Variants in PCDHA6 observed in about 807,000 individuals in gnomAD.
The protein encoded by PCDHA6 is protocadherin alpha 6.
A neutral mutation model predicts 60.3 loss-of-function variants in PCDHA6; 55 were observed. The observed-to-expected ratio is 0.91, with a 90% CI of 0.73 to 1.14. The LOEUF is 1.14. Ranked by LOEUF, PCDHA6 falls within the 50% of genes most tolerant of loss-of-function variation. The pLI is 0.00. For synonymous variants in PCDHA6, 652 were observed against 557.9 expected (o/e 1.17, Z -2.38); for missense variants, 1,327 against 1,256.5 (o/e 1.06, Z -0.85).
At chr5:140,996,123 G>A (rs1554255007) in intron 3 of PCDHA6, among the ~76,000 whole-genome samples, 2 of 152,238 alleles carry the variant, frequency 1.3e-5, no homozygotes, top group African/African-American at 2.4e-5. Flanking sequence ...GCAGGGTGGT[G>A]TAGAGGGTTC....
intron 1 of PCDHA6, among the ~76,000 whole-genome samples, chr5:140,964,119 TAAC>T (rs146855097): frequency 0.014 from 2,059 of 152,320 alleles, 49 homozygotes; most frequent in African/African-American, 0.047. Context: ...AATCACATTC[TAAC>T]AACTAGTAAG....
intron 1 of PCDHA6, among the ~76,000 whole-genome samples, chr5:140,892,021 G>A (rs2063355611): frequency 6.6e-6 from 1 of 152,160 alleles, no homozygotes; most frequent in Admixed American, 6.5e-5. Context: ...AGCACAAATG[G>A]TCTAAGATAC....
intron 1 of PCDHA6, chr5:140,851,686 TGA>T: frequency 1.1e-6 from 1 of 926,568 alleles, no homozygotes; most frequent in Non-Finnish European, 1.3e-6. Context: ...CTCCATTCAG[TGA>T]TAAAATGATC....
intron 1 of PCDHA6, among the ~76,000 whole-genome samples, chr5:140,894,188 A>AT (rs1157134749): frequency 1.1e-4 from 17 of 152,072 alleles, no homozygotes; most frequent in African/African-American, 4.1e-4. Flanking sequence ...ATAGTTATAT[A>AT]TTTTTTCTAT....
At chr5:141,003,423 T>G (rs1278383006) in intron 3 of PCDHA6, among the ~76,000 whole-genome samples, 1 of 152,164 alleles carries the variant, frequency 6.6e-6, no homozygotes, top group Non-Finnish European at 1.5e-5. Context: ...GTGATTCTTA[T>G]GCCTCAGCCT....
chr5:140,952,113 G>T (rs2094688731), intron 1 of PCDHA6, among the ~76,000 whole-genome samples: 1 of 151,990 alleles, frequency 6.6e-6, no homozygotes. Flanking sequence ...TCGTGTGAGG[G>T]ATGGGCTCCC....
In PCDHA6 at chr5:140,835,890, G is replaced by T. The variant is rs147416989; in HGVS notation, c.2394+5405G>T. Reference sequence around the variant, plus strand: ...GGTGGAGCTGCGGGTGGGCGAGCGCGCGCTGTCGAGCTACGTGTCAGTGCA... The same window carrying T: ...GGTGGAGCTGCGGGTGGGCGAGCGCTCGCTGTCGAGCTACGTGTCAGTGCA... On this transcript the variant is annotated intron_variant, in intron 1 of 3. Coordinates refer to ENST00000529310, the MANE Select transcript of PCDHA6 (RefSeq NM_018909.4). 490 of 1,611,966 alleles carry T rather than the reference G, an allele frequency of 3.0e-4. 3 individuals carry two copies. In the African/African-American group the frequency reaches 5.1e-3, roughly 17 times the overall value.
chr5:140,843,800 C>T (rs2150366866), intron 1 of PCDHA6: 5 of 1,342,480 alleles, frequency 3.7e-6, no homozygotes, highest in East Asian at 2.3e-5. Context: ...TAGTTTTTCA[C>T]CGTATTTTAT....
chr5:140,845,510 C>A (rs1779902484), intron 1 of PCDHA6, among the ~76,000 whole-genome samples: 3 of 149,534 alleles, frequency 2.0e-5, no homozygotes, highest in African/African-American at 7.3e-5. Context: ...AAACCTATTT[C>A]TTGTACATTA....
Position 140,887,082 on chromosome 5 carries a change from CT to C in PCDHA6, c.2394+56598del, listed in dbSNP as rs781992332. On this transcript the variant is annotated intron_variant, in intron 1 of 3. Coordinates refer to ENST00000529310, the MANE Select transcript of PCDHA6 (RefSeq NM_018909.4). Reference sequence around the variant, plus strand: ...GGCAACAAATTCACTCAGCTTTTGTCTGAGAAATATCTTTATCTCTTTTTTT... The same window carrying C: ...GGCAACAAATTCACTCAGCTTTTGTCGAGAAATATCTTTATCTCTTTTTTT... 2.0e-5 allele frequency among the ~76,000 whole-genome samples: 3 copies of C among 151,694 alleles called. No individual in the cohort carries two copies. The East Asian group carries it at 5.8e-4, about 29-fold the overall frequency.
At chr5:140,943,409 T>C (rs1460668622) in intron 1 of PCDHA6, among the ~76,000 whole-genome samples, 1 of 152,078 alleles carries the variant, frequency 6.6e-6, no homozygotes, top group Non-Finnish European at 1.5e-5. Flanking sequence ...AAATTCAGAC[T>C]AGAGGCAAGG....
chr5:140,884,450 AC>A, intron 1 of PCDHA6: 1 of 1,613,762 alleles, frequency 6.2e-7, no homozygotes, highest in Non-Finnish European at 8.5e-7. Context: ...GGCACCGCCC[AC>A]CGAGGGCGCG....
intron 1 of PCDHA6, chr5:140,884,540 G>A (rs782638313): frequency 1.9e-6 from 3 of 1,613,998 alleles, no homozygotes; most frequent in South Asian, 2.2e-5. Flanking sequence ...GCGGCCGAGG[G>A]TGTGCTCTGG....
At chr5:140,941,852 T>G (rs1254913265) in intron 1 of PCDHA6, among the ~76,000 whole-genome samples, 2 of 152,236 alleles carry the variant, frequency 1.3e-5, no homozygotes, top group Non-Finnish European at 2.9e-5. Context: ...TTACCTGATA[T>G]TCCCTATCAT....
At chr5:140,873,141 C>A (rs1275722582) in intron 1 of PCDHA6, among the ~76,000 whole-genome samples, 3 of 152,064 alleles carry the variant, frequency 2.0e-5, no homozygotes, top group African/African-American at 7.2e-5. Flanking sequence ...TATGCTGAAG[C>A]CTATTCATAG....
chr5:140,963,196 GA>G (rs199602110), intron 1 of PCDHA6, among the ~76,000 whole-genome samples: 26 of 147,674 alleles, frequency 1.8e-4, no homozygotes, highest in South Asian at 4.3e-4. Context: ...CTGTGAAAAT[GA>G]AAAAAAAAAC....
In PCDHA6 at chr5:140,828,369, A is replaced by C; in HGVS notation, c.278A>C (p.Glu93Ala). Residue 93 changes from glutamate to alanine, a missense_variant, in exon 1 of 4, where the codon GAG (glutamate) becomes GCG (alanine). Glu to Ala is a moderately radical substitution (Grantham distance 107, BLOSUM62 -1). Transcript: ENST00000529310. ...TTTGTGAATTCTCGGATCGACCGCG[A>C]GGAGCTGTGCGGGCGGAGCGCGGAG... ...ILFVNSRIDR[E>A]ELCGRSAECS... The C allele has an allele frequency of 6.2e-7, 1 of 1,614,252 alleles. No individual in the cohort carries two copies. Among genetic ancestry groups the C allele is most frequent in the Non-Finnish European group, 8.5e-7 (1 of 1,180,050 alleles).
At chr5:140,836,666 G>T (rs1774663791) in intron 1 of PCDHA6, 1 of 1,613,284 alleles carries the variant, frequency 6.2e-7, no homozygotes, top group African/African-American at 1.3e-5. Context: ...TGTGCTCTGG[G>T]GAGGGCCCAC....
intron 1 of PCDHA6, among the ~76,000 whole-genome samples, chr5:140,960,717 T>G (rs367185): frequency 9.9e-5 from 3 of 30,264 alleles, no homozygotes; most frequent in African/African-American, 2.5e-4. Flanking sequence ...ATACTCATCT[T>G]ATTTTAGTCC....
Sources: gnomAD v4.1 joint callset for allele counts (sites outside exome capture counted in the v4.1 genomes callset) on GRCh38, gnomAD v4.1.1 for gene constraint, MANE v1.5 for transcripts, NCBI Gene and HGNC (gene_info 2026-07-23, HGNC 2026-07-21) for gene names.